The following ANKH variants were observed in gnomAD, a reference collection of about 807,000 sequenced individuals.
The protein encoded by ANKH is mineralization regulator ANKH.
In ANKH, 15 loss-of-function variants were observed where a neutral mutation model predicts 49.0. The ratio of observed to expected loss-of-function variants is 0.31; its 90% confidence interval spans 0.20 to 0.47. The LOEUF (loss-of-function observed/expected upper bound fraction) is 0.47, where lower values mean the gene tolerates loss of function less well. Ranked by LOEUF, ANKH falls within the 20% of genes least tolerant of loss-of-function variation. ANKH has a pLI of 1.00. For missense variants in ANKH, 429 were observed against 652.0 expected (o/e 0.66, Z 3.72); for synonymous variants, 273 against 260.0 (o/e 1.05, Z -0.48).
chr5:14,871,764 C>A lies in ANKH; in HGVS notation c.-317G>T. ...CAGAAGGTTCTGCTGACAGCGGCTC[C>A]ATTATAAGCGCTCTGGGGCCCGGAA... On this transcript the variant is annotated 5_prime_UTR_variant, in exon 1 of 12. The change abolishes an upstream ATG in the 5' untranslated region. Coordinates refer to ENST00000284268, the MANE Select transcript of ANKH (RefSeq NM_054027.6). 6.8e-6 allele frequency: 1 copy of A among 146,674 alleles called. No homozygotes were observed. The highest frequency in any genetic ancestry group is 1.5e-5 in the Non-Finnish European group (1 of 67,880). The allele number at this position is 146,674 out of a possible 1,614,324, so 9.1% of individuals were successfully genotyped here. A position where few individuals can be genotyped will look rare whatever the true frequency, so the allele number is the denominator to read the frequency against.
chr5:14,810,620 C>T (rs1740851824), intron 1 of ANKH, among the ~76,000 whole-genome samples: 7 of 152,138 alleles, frequency 4.6e-5, no homozygotes, highest in Admixed American at 4.6e-4. Context: ...AATTCAGTGC[C>T]TGGCCATTTA....
chr5:14,711,281 C>A lies in ANKH; in HGVS notation c.1395G>T (p.Thr465=), dbSNP rs368395828. 1 of 1,614,136 alleles carries A rather than the reference C, an allele frequency of 6.2e-7. No homozygotes were observed. The highest frequency in any genetic ancestry group is 1.1e-5 in the South Asian group (1 of 91,078). ...QKKKMENESA[T]EGEDSAMTDM... ...CTGTCATGGCAGAGTCTTCCCCCTC[C>A]GTGGCCGACTCATTCTCCATCTTCT... The change falls in exon 12 of 12, where the codon ACG becomes ACT. Residue 465 remains threonine, a synonymous_variant. Coordinates refer to ENST00000284268, the MANE Select transcript of ANKH (RefSeq NM_054027.6).
intron 8 of ANKH, among the ~76,000 whole-genome samples, chr5:14,736,370 T>C (rs1403187766): frequency 2.0e-5 from 3 of 152,202 alleles, no homozygotes; most frequent in South Asian, 4.1e-4. Flanking sequence ...ACAGGTCAGC[T>C]CGCCAAAAAT....
At chr5:14,824,950 A>G (rs1261284879) in intron 1 of ANKH, among the ~76,000 whole-genome samples, 2 of 152,234 alleles carry the variant, frequency 1.3e-5, no homozygotes, top group African/African-American at 2.4e-5. Flanking sequence ...TGAGATCTAG[A>G]GGTAAAAGGC....
intron 1 of ANKH, among the ~76,000 whole-genome samples, chr5:14,805,297 T>C (rs571814156): frequency 2.6e-5 from 4 of 151,798 alleles, no homozygotes; most frequent in African/African-American, 9.7e-5. Flanking sequence ...CTGGCTCTCC[T>C]TGCTCCTCAG....
intron 11 of ANKH, among the ~76,000 whole-genome samples, 167 bp from the exon 12 acceptor site, chr5:14,711,477 T>G (rs1737202030): frequency 6.6e-6 from 1 of 152,186 alleles, no homozygotes; most frequent in Admixed American, 6.5e-5. Context: ...CTCAGTGTGT[T>G]CCTTGCAGTT....
chr5:14,708,119 A>G lies in ANKH; in HGVS notation c.*3078T>C, dbSNP rs1355661245. 1 of 152,208 alleles carries G rather than the reference A, an allele frequency of 6.6e-6. No homozygotes were observed. The highest frequency in any genetic ancestry group is 1.9e-4 in the East Asian group (1 of 5,194). 9.4% of individuals were successfully genotyped at this position (152,208 alleles called of 1,614,324 possible). A position where few individuals can be genotyped will look rare whatever the true frequency, so the allele number is the denominator to read the frequency against. ...TGTTGTCTCACTGACGCCCTTTGCC[A>G]CTGAGATCCCTGTAAGTCACTACAG... On this transcript the variant is annotated 3_prime_UTR_variant, in exon 12 of 12. Transcript: ENST00000284268.
intron 1 of ANKH, among the ~76,000 whole-genome samples, chr5:14,787,143 G>A (rs1435687738): frequency 1.3e-5 from 2 of 152,006 alleles, no homozygotes; most frequent in Non-Finnish European, 2.9e-5. Flanking sequence ...GTGAAACCCC[G>A]TCTCTACTAA....
In ANKH at chr5:14,718,101, C is replaced by CG. The variant is rs1005150540; in HGVS notation, c.1012-1267dup. 9.9e-5 allele frequency among the ~76,000 whole-genome samples: 15 copies of CG among 152,230 alleles called. 1 individual carries two copies. The highest frequency in any genetic ancestry group is 2.9e-4 in the African/African-American group (12 of 41,532). On this transcript the variant is annotated intron_variant, in intron 8 of 11. Coordinates refer to ENST00000284268, the MANE Select transcript of ANKH (RefSeq NM_054027.6). ...AATCTGACCAGCCCAAGAGAAAAGA[C>CG]GTAAAGTTCCTGAAAATTAGAGTCT...
At chr5:14,723,342 A>G (rs1447559548) in intron 8 of ANKH, among the ~76,000 whole-genome samples, 1 of 121,182 alleles carries the variant, frequency 8.3e-6, no homozygotes, top group African/African-American at 3.3e-5. Context: ...GTAAATCAGA[A>G]GTTATTCTTT....
intron 1 of ANKH, among the ~76,000 whole-genome samples, chr5:14,793,899 C>T (rs764882524): frequency 4.6e-5 from 7 of 152,196 alleles, no homozygotes; most frequent in African/African-American, 9.7e-5. Context: ...ATGAATGGGG[C>T]GACCGCCCAC....
chr5:14,807,113 CTTT>C (rs35180875), intron 1 of ANKH, among the ~76,000 whole-genome samples: 32 of 127,666 alleles, frequency 2.5e-4, no homozygotes, highest in Middle Eastern at 4.0e-3. Context: ...CATGATATTT[CTTT>C]TTTTTTTTTT....
rs187182309 is a variant in ANKH at position 14,863,647 on chromosome 5, G to A, written c.96+7705C>T. 1.6e-3 allele frequency among the ~76,000 whole-genome samples: 248 copies of A among 152,046 alleles called. 1 individual carries two copies. The highest frequency in any genetic ancestry group is 5.1e-3 in the African/African-American group (211 of 41,428). On this transcript the variant is annotated intron_variant, in intron 1 of 11. Coordinates refer to ENST00000284268, the MANE Select transcript of ANKH (RefSeq NM_054027.6). The stretch of plus-strand genomic sequence containing the variant: ...TGCAGAAACTAATAGAGTCACAGGT[G>A]TTCAAAAAATACCTGATTTTTTCTT...
At chr5:14,732,058 T>A (rs895580841) in intron 8 of ANKH, among the ~76,000 whole-genome samples, 8 of 152,184 alleles carry the variant, frequency 5.3e-5, no homozygotes, top group African/African-American at 1.2e-4. Context: ...CTTCAAAATG[T>A]TAACATGCTT....
At chr5:14,866,874 TA>T (rs2126636396) in intron 1 of ANKH, among the ~76,000 whole-genome samples, 1 of 152,298 alleles carries the variant, frequency 6.6e-6, no homozygotes, top group African/African-American at 2.4e-5. Context: ...GTTGAGTTTT[TA>T]AAATTCAATA....
intron 1 of ANKH, among the ~76,000 whole-genome samples, chr5:14,854,729 G>T (rs754926563): frequency 1.1e-4 from 16 of 152,108 alleles, no homozygotes; most frequent in Non-Finnish European, 2.2e-4. Flanking sequence ...ATCATCACCT[G>T]CCCCAGCCTC....
At chr5:14,739,825 T>A (rs1405490003) in intron 8 of ANKH, among the ~76,000 whole-genome samples, 3 of 152,202 alleles carry the variant, frequency 2.0e-5, no homozygotes, top group African/African-American at 7.2e-5. Flanking sequence ...CAAGTTCCTG[T>A]CTGACAAAGG....
intron 1 of ANKH, among the ~76,000 whole-genome samples, chr5:14,812,117 TAAA>T (rs55728743): frequency 0.37 from 46,097 of 126,178 alleles, 7,782 homozygotes; most frequent in East Asian, 0.71. Context: ...GTATTTATCT[TAAA>T]AAAAAAAAAA....
At chr5:14,780,955 C>T (rs570280803) in intron 1 of ANKH, among the ~76,000 whole-genome samples, 4 of 152,180 alleles carry the variant, frequency 2.6e-5, no homozygotes, top group Non-Finnish European at 5.9e-5. Flanking sequence ...AGAAAATGTA[C>T]ATGTGTGGAC....
Sources: allele counts gnomAD v4.1 joint callset (sites outside exome capture counted in the v4.1 genomes callset), GRCh38; gene constraint gnomAD v4.1.1; transcripts MANE v1.5; gene names NCBI Gene and HGNC (gene_info 2026-07-23, HGNC 2026-07-21).